The following BCL11A variants were observed in gnomAD, a reference collection of about 807,000 sequenced individuals.
BCL11A encodes the protein BCL11 transcription factor A.
A neutral mutation model predicts 55.9 loss-of-function variants in BCL11A; 2 were observed. The observed-to-expected ratio is 0.04, with a 90% CI of 0.01 to 0.11. BCL11A has a LOEUF of 0.11. BCL11A is among the 10% of genes least tolerant of loss of function. The probability of loss-of-function intolerance (pLI) is 1.00; values close to 1 mark genes in which losing one functional copy is unlikely to be tolerated. For missense variants in BCL11A, 817 were observed against 1,137.1 expected (o/e 0.72, Z 4.05); for synonymous variants, 465 against 473.4 (o/e 0.98, Z 0.23).
intron 2 of BCL11A, chr2:60,543,005 G>A (rs1222594307): frequency 6.7e-6 from 1 of 148,790 alleles, no homozygotes; most frequent in Non-Finnish European, 1.5e-5. Flanking sequence ...ACTCCAGCCT[G>A]GGCAACAAGA....
At chr2:60,497,974 G>A (rs1274485059) in intron 2 of BCL11A, among the ~76,000 whole-genome samples, 1 of 152,106 alleles carries the variant, frequency 6.6e-6, no homozygotes, top group Non-Finnish European at 1.5e-5. Context: ...AGGTCAGGGT[G>A]TTGCAGAGAT....
At chr2:60,530,697 GA>G (rs1187859717) in intron 2 of BCL11A, among the ~76,000 whole-genome samples, 244 of 145,602 alleles carry the variant, frequency 1.7e-3, no homozygotes, top group Non-Finnish European at 2.8e-3. Context: ...AAAGAAAAAG[GA>G]AAAAAAAAAC....
intron 2 of BCL11A, among the ~76,000 whole-genome samples, chr2:60,503,002 G>C (rs1342961164): frequency 1.3e-5 from 2 of 152,194 alleles, no homozygotes; most frequent in Non-Finnish European, 2.9e-5. Context: ...GGCCTGGGCT[G>C]TCTAGGGGGA....
In BCL11A at chr2:60,462,133, G is replaced by A; in HGVS notation, c.779C>T (p.Pro260Leu). Residue 260 changes from proline (P) to leucine (L), a missense_variant, in exon 4 of 4, where the codon CCA (proline) becomes CTA (leucine). Around this residue, in one of 4 missense-constraint regions of BCL11A, gnomAD observed 363 missense variants for 486.6 expected, o/e 0.75. Coordinates refer to ENST00000642384, the MANE Select transcript of BCL11A (RefSeq NM_022893.4). ...EASGLAEGRF[P>L]PTPPLFSPPP... is the part of the protein sequence containing the mutation. Reference sequence around the variant, plus strand: ...TGGACTAAACAGGGGGGGAGTGGGTGGAAAGCGCCCTTCTGCCAGGCCGGA... The same window carrying A: ...TGGACTAAACAGGGGGGGAGTGGGTAGAAAGCGCCCTTCTGCCAGGCCGGA... 1 of 1,558,718 alleles carries A rather than the reference G, an allele frequency of 6.4e-7. No homozygotes were observed. The highest frequency in any genetic ancestry group is 8.7e-7 in the Non-Finnish European group (1 of 1,153,806).
intron 2 of BCL11A, among the ~76,000 whole-genome samples, chr2:60,489,980 GA>G (rs1678530433): frequency 6.6e-6 from 1 of 152,118 alleles, no homozygotes; most frequent in Non-Finnish European, 1.5e-5. Flanking sequence ...AGGGACAAGG[GA>G]CCAATACAGA....
chr2:60,553,283 G>C lies in BCL11A; in HGVS notation c.-13C>G, dbSNP rs1318872521. On this transcript the variant is annotated 5_prime_UTR_variant, in exon 1 of 4. Coordinates refer to ENST00000642384, the MANE Select transcript of BCL11A (RefSeq NM_022893.4). ...TGCGGCGAGACATGGTGGGCTGCGG[G>C]GCGGGCGGCGGCGGCGGCGGCGGCG... 1 of 1,569,028 alleles carries C rather than the reference G, an allele frequency of 6.4e-7. No individual in the cohort carries two copies.
intron 2 of BCL11A, among the ~76,000 whole-genome samples, chr2:60,504,770 A>G (rs529786523): frequency 1.3e-5 from 2 of 152,228 alleles, no homozygotes; most frequent in South Asian, 4.1e-4. Context: ...TTATATAGAG[A>G]GGTGGAATAT....
intron 2 of BCL11A, chr2:60,545,576 C>G (rs1670112501): frequency 5.3e-6 from 1 of 187,776 alleles, no homozygotes; most frequent in African/African-American, 2.4e-5. Context: ...ATTGGCTGAA[C>G]TGCAAATGCC....
At chr2:60,486,476 T>G (rs1678283725) in intron 2 of BCL11A, among the ~76,000 whole-genome samples, 1 of 152,170 alleles carries the variant, frequency 6.6e-6, no homozygotes, top group African/African-American at 2.4e-5. Context: ...TTTTGAGAGA[T>G]AATTTCTAAA....
At chr2:60,541,744 TG>T (rs1669935272) in intron 2 of BCL11A, 1 of 523,492 alleles carries the variant, frequency 1.9e-6, no homozygotes, top group Non-Finnish European at 3.4e-6. Flanking sequence ...TTTGTGGTAG[TG>T]GTGTTTTTTT....
chr2:60,473,997 T>C (rs1677370596), intron 2 of BCL11A, among the ~76,000 whole-genome samples: 1 of 152,216 alleles, frequency 6.6e-6, no homozygotes, highest in South Asian at 2.1e-4. Flanking sequence ...AATATAGAAT[T>C]TCTTCCCTGA....
chr2:60,467,687 G>A (rs1412660146), intron 3 of BCL11A, among the ~76,000 whole-genome samples: 6 of 97,434 alleles, frequency 6.2e-5, no homozygotes, highest in African/African-American at 1.6e-4. Context: ...GGTGATGGTG[G>A]TGGTGGTGGT....
intron 3 of BCL11A, among the ~76,000 whole-genome samples, chr2:60,467,823 T>C (rs1165745256): frequency 8.6e-6 from 1 of 116,740 alleles, no homozygotes; most frequent in African/African-American, 3.3e-5. Context: ...CTGGTGGTGA[T>C]GGTGATGGTG....
At chr2:60,537,874 T>C (rs1160810663) in intron 2 of BCL11A, 1 of 152,246 alleles carries the variant, frequency 6.6e-6, no homozygotes, top group Non-Finnish European at 1.5e-5. Flanking sequence ...ATAATTCCAT[T>C]CTTTATTTTA....
At chr2:60,513,434 C>A (rs748132845) in intron 2 of BCL11A, among the ~76,000 whole-genome samples, 2 of 152,180 alleles carry the variant, frequency 1.3e-5, no homozygotes. Flanking sequence ...CAGAAACCAG[C>A]GCCCAGATCC....
intron 2 of BCL11A, chr2:60,495,814 C>T (rs1257336849): frequency 1.3e-5 from 2 of 152,180 alleles, no homozygotes; most frequent in Non-Finnish European, 2.9e-5. Flanking sequence ...CAATTCAATA[C>T]CCCTTCCCCC....
chr2:60,530,003 CATTAAAAGA>C (rs1426576286), intron 2 of BCL11A, among the ~76,000 whole-genome samples: 1 of 152,144 alleles, frequency 6.6e-6, no homozygotes, highest in Non-Finnish European at 1.5e-5. Flanking sequence ...AAAGACTGCA[CATTAAAAGA>C]GCTAAAAATG....
intron 2 of BCL11A, among the ~76,000 whole-genome samples, chr2:60,506,356 G>A (rs1487957370): frequency 2.6e-5 from 4 of 152,198 alleles, no homozygotes; most frequent in Non-Finnish European, 4.4e-5. Flanking sequence ...CCCTGCCAGC[G>A]GCCCCCATTC....
At chr2:60,509,800 A>G (rs182985540) in intron 2 of BCL11A, among the ~76,000 whole-genome samples, 5 of 152,156 alleles carry the variant, frequency 3.3e-5, no homozygotes, top group Non-Finnish European at 5.9e-5. Flanking sequence ...TCCCCTCACG[A>G]TCTTCCTGAA....
Sources: allele counts gnomAD v4.1 joint callset (sites outside exome capture counted in the v4.1 genomes callset), GRCh38; gene constraint gnomAD v4.1.1; regional missense constraint gnomAD v4.1.1; transcripts MANE v1.5; gene names NCBI Gene and HGNC (gene_info 2026-07-23, HGNC 2026-07-21).